The following PEX5L variants were observed in gnomAD, a reference collection of about 807,000 sequenced individuals.
The protein encoded by PEX5L is PEX5-related protein.
A neutral mutation model predicts 84.0 loss-of-function variants in PEX5L; 30 were observed. That is an observed-to-expected ratio of 0.36 (90% CI 0.27 to 0.48). PEX5L has a LOEUF of 0.48. Among genes scored for constraint, PEX5L ranks in the 20% least tolerant of loss-of-function variants. PEX5L has a pLI of 0.99. For synonymous variants in PEX5L, 270 were observed against 283.1 expected (o/e 0.95, Z 0.46); for missense variants, 533 against 754.6 (o/e 0.71, Z 3.44).
At chr3:180,018,038 T>C (rs564919330) in intron 1 of PEX5L, among the ~76,000 whole-genome samples, 1 of 152,310 alleles carries the variant, frequency 6.6e-6, no homozygotes, top group African/African-American at 2.4e-5. Context: ...CCTGGGAGTA[T>C]AGCCAAAAGG....
rs142587099 is a variant in PEX5L at position 180,026,192 on chromosome 3, G to A, written c.21+10387C>T. On this transcript the variant is annotated intron_variant, in intron 1 of 14. Coordinates refer to ENST00000467460, the MANE Select transcript of PEX5L (RefSeq NM_016559.3). ...TAGGCAATTAATTGAAGAAATCTGA[G>A]CCATCAAGACCTAGCCCTCAGTTTC... is the stretch of plus-strand genomic sequence containing the variant. 1.6e-3 allele frequency among the ~76,000 whole-genome samples: 232 copies of A among 140,984 alleles called. 1 individual carries two copies. The highest frequency in any genetic ancestry group is 5.9e-3 in the African/African-American group (221 of 37,146). The allele number at this position is 140,984 out of a possible 152,430, so 92.5% of individuals were successfully genotyped here.
Position 179,869,878 on chromosome 3 carries a change from A to G in PEX5L, c.726+4449T>C, listed in dbSNP as rs144990697. ...GCCTTCCCAATATGGCTTTTGTTATATATAGATATCTATATAAATCAACTT... is the reference window on the plus strand; with the variant it reads ...GCCTTCCCAATATGGCTTTTGTTATGTATAGATATCTATATAAATCAACTT... On this transcript the variant is annotated intron_variant, in intron 7 of 14. Transcript: ENST00000467460. Among the ~76,000 whole-genome samples the G allele has an allele frequency of 4.9e-4, 75 of 152,362 alleles. 1 individual carries two copies. The East Asian group carries it at 0.012, about 25-fold the overall frequency.
At chr3:179,928,231 A>G (rs888225788) in intron 2 of PEX5L, among the ~76,000 whole-genome samples, 1 of 152,222 alleles carries the variant, frequency 6.6e-6, no homozygotes, top group African/African-American at 2.4e-5. Flanking sequence ...GTGGGCTTAT[A>G]TGCTCCTGCA....
intron 5 of PEX5L, among the ~76,000 whole-genome samples, chr3:179,876,896 G>T (rs1752612139): frequency 6.6e-6 from 1 of 151,956 alleles, no homozygotes; most frequent in African/African-American, 2.4e-5. Context: ...TTTTTTCTTG[G>T]TTTTTGGAAT....
At chr3:179,972,619 G>A (rs781553820) in intron 1 of PEX5L, among the ~76,000 whole-genome samples, 19 of 152,052 alleles carry the variant, frequency 1.2e-4, no homozygotes, top group Non-Finnish European at 4.4e-5. Flanking sequence ...CTTGAATTAA[G>A]GGAATTAAAA....
intron 14 of PEX5L, among the ~76,000 whole-genome samples, chr3:179,805,624 A>T (rs1364779726): frequency 6.6e-6 from 1 of 152,232 alleles, no homozygotes; most frequent in Non-Finnish European, 1.5e-5. Flanking sequence ...TGGTGGGCCA[A>T]TTGTACAGTA....
intron 2 of PEX5L, among the ~76,000 whole-genome samples, chr3:179,968,941 T>C (rs1395441079): frequency 6.6e-6 from 1 of 152,122 alleles, no homozygotes; most frequent in Non-Finnish European, 1.5e-5. Context: ...ACAGAAATCA[T>C]CTTTTACCTC....
At chr3:180,031,025 T>C (rs1004929894) in intron 1 of PEX5L, among the ~76,000 whole-genome samples, 2 of 151,796 alleles carry the variant, frequency 1.3e-5, no homozygotes, top group African/African-American at 2.4e-5. Context: ...TAAAAAACAA[T>C]CCAAAAGTTT....
intron 1 of PEX5L, among the ~76,000 whole-genome samples, chr3:179,985,333 G>A (rs1786714335): frequency 6.6e-6 from 1 of 152,150 alleles, no homozygotes; most frequent in South Asian, 2.1e-4. Context: ...CGGTCACTAA[G>A]ACAGAAATAG....
intron 2 of PEX5L, among the ~76,000 whole-genome samples, chr3:179,961,676 T>C (rs1232379308): frequency 6.6e-6 from 1 of 152,214 alleles, no homozygotes; most frequent in East Asian, 1.9e-4. Context: ...TGATCCTTTG[T>C]CATTTTTATT....
chr3:179,917,539 T>A (rs1767643942), intron 2 of PEX5L, among the ~76,000 whole-genome samples: 1 of 152,230 alleles, frequency 6.6e-6, no homozygotes, highest in Non-Finnish European at 1.5e-5. Flanking sequence ...AAGGGAGTAA[T>A]GCATTGAGCT....
At chr3:180,022,177 T>C (rs6809390) in intron 1 of PEX5L, among the ~76,000 whole-genome samples, 151,757 of 152,282 alleles carry the variant, frequency 1, 75,619 homozygotes, top group Middle Eastern at 1. Context: ...TATCACATTC[T>C]GATTTTTATA....
chr3:179,977,737 G>A, intron 1 of PEX5L, among the ~76,000 whole-genome samples: 1 of 152,140 alleles, frequency 6.6e-6, no homozygotes, highest in East Asian at 1.9e-4. Flanking sequence ...TTTTTCTTAG[G>A]TATGGGGGAG....
In PEX5L at chr3:179,809,613, AACTC is replaced by A; in HGVS notation, c.1206_1209del (p.Ser403IlefsTer14). On this transcript the variant is annotated frameshift_variant, in exon 12 of 15. Transcript: ENST00000467460. LOFTEE classifies it high-confidence loss of function. ...TCCTGCTGATGGCCAGTGTTAGTAT[AACTC>A]ACAGCCAAGGCCATCAAAGCTTTTA... 6.2e-7 allele frequency: 1 copy of A among 1,613,864 alleles called. No individual in the cohort carries two copies. The highest frequency in any genetic ancestry group is 8.5e-7 in the Non-Finnish European group (1 of 1,179,888).
At chr3:179,887,112 G>A (rs1756135598) in intron 4 of PEX5L, among the ~76,000 whole-genome samples, 1 of 152,186 alleles carries the variant, frequency 6.6e-6, no homozygotes, top group Non-Finnish European at 1.5e-5. Flanking sequence ...GCACCGAGCA[G>A]GGGATGGTTT....
At chr3:179,918,233 G>A (rs992296262) in intron 2 of PEX5L, among the ~76,000 whole-genome samples, 5 of 152,112 alleles carry the variant, frequency 3.3e-5, no homozygotes, top group African/African-American at 1.2e-4. Flanking sequence ...CTCTACTATC[G>A]CTAGGTTCTA....
At chr3:179,888,021 T>G (rs1409347130) in intron 3 of PEX5L, 1 of 854,256 alleles carries the variant, frequency 1.2e-6, no homozygotes, top group Non-Finnish European at 1.8e-6. Flanking sequence ...GCTCAAGCCT[T>G]TCCTCCCCCC....
At chr3:180,026,594 G>A (rs191148088) in intron 1 of PEX5L, among the ~76,000 whole-genome samples, 6 of 152,094 alleles carry the variant, frequency 3.9e-5, no homozygotes, top group Non-Finnish European at 4.4e-5. Context: ...GCAGTAGATG[G>A]ACATTGATCA....
intron 2 of PEX5L, among the ~76,000 whole-genome samples, chr3:179,961,857 G>A (rs1254520306): frequency 6.6e-6 from 1 of 152,142 alleles, no homozygotes; most frequent in Non-Finnish European, 1.5e-5. Context: ...CAAAACGGAT[G>A]GGCCTGAAAG....
Sources: gnomAD v4.1 joint callset for allele counts (sites outside exome capture counted in the v4.1 genomes callset) on GRCh38, gnomAD v4.1.1 for gene constraint, MANE v1.5 for transcripts, NCBI Gene and HGNC (gene_info 2026-07-23, HGNC 2026-07-21) for gene names.